Variants in SMIM7 observed in about 807,000 individuals in gnomAD.
The protein encoded by SMIM7 is UPF0608 protein C19orf42.
Under a neutral mutation model 13.3 loss-of-function variants are expected in SMIM7, and 12 were observed. The observed-to-expected ratio is 0.90, with a 90% confidence interval of 0.58 to 1.46. SMIM7 has a LOEUF of 1.46. Ranked by LOEUF, SMIM7 falls within the 40% of genes most tolerant of loss-of-function variation. The pLI, the probability that SMIM7 is intolerant of heterozygous loss-of-function variation, is 0.00. For missense variants in SMIM7, 114 were observed against 94.8 expected (o/e 1.20, Z -0.84); for synonymous variants, 36 against 35.8 (o/e 1.01, Z -0.02).
chr19:16,640,208 CT>C (rs2086395196), intron 4 of SMIM7: 1 of 152,218 alleles, frequency 6.6e-6, no homozygotes, highest in Non-Finnish European at 1.5e-5. Flanking sequence ...TTCCAAGTAG[CT>C]GGGATTACAG....
intron 4 of SMIM7, chr19:16,631,727 G>A (rs1274781133): frequency 2.6e-5 from 4 of 152,196 alleles, no homozygotes; most frequent in African/African-American, 9.7e-5. Context: ...GCAAGCCCCT[G>A]AGAGACAGGC....
At chr19:16,654,182 C>T (rs773016735) in intron 3 of SMIM7, 57 bp from the exon 4 acceptor site, 11 of 1,448,176 alleles carry the variant, frequency 7.6e-6, no homozygotes, top group Non-Finnish European at 1.1e-5. Context: ...CCTACTGCCA[C>T]CTCAGCAGTG....
intron 4 of SMIM7, among the ~76,000 whole-genome samples, chr19:16,637,146 T>C (rs2086366480): frequency 6.6e-6 from 1 of 152,170 alleles, no homozygotes; most frequent in Admixed American, 6.5e-5. Context: ...ACTGTGCTGC[T>C]GAACACAGGC....
intron 4 of SMIM7, chr19:16,634,952 T>A (rs2086348117): frequency 6.6e-6 from 1 of 152,114 alleles, no homozygotes; most frequent in Non-Finnish European, 1.5e-5. Flanking sequence ...CTTGAGTGGG[T>A]CTTCTCATAC....
At chr19:16,631,237 T>C (rs1328501067) in exon 5 of SMIM7, 1 of 151,926 alleles carries the variant, frequency 6.6e-6, no homozygotes. Context: ...AATACAAAAA[T>C]TAGCCGGGCA....
rs757480728 is a variant in SMIM7 at position 16,654,065 on chromosome 19, C to T, written c.182G>A (p.Trp61Ter). The change falls in exon 4 of 5, where the codon TGG (tryptophan) becomes TAG (stop). Residue 61 changes from tryptophan to a stop codon, truncating the protein, a stop_gained. Coordinates refer to ENST00000487416, the MANE Select transcript of SMIM7 (RefSeq NM_024104.4). LOFTEE classifies it high-confidence loss of function. ...LRYFRIFIAL[W>*]NIFMMFCMIV... ...CATGCAGAACATCATGAAGATGTTCCACAGGGCGATGAAGATTCGAAAGTA... is the reference window on the plus strand; with the variant it reads ...CATGCAGAACATCATGAAGATGTTCTACAGGGCGATGAAGATTCGAAAGTA... 6 of 1,613,858 alleles carry T rather than the reference C, an allele frequency of 3.7e-6. No homozygotes were observed. The highest frequency in any genetic ancestry group is 4.2e-6 in the Non-Finnish European group (5 of 1,179,956).
chr19:16,643,674 G>C (rs549451745), downstream of SMIM7, among the ~76,000 whole-genome samples: 1 of 152,292 alleles, frequency 6.6e-6, no homozygotes, highest in South Asian at 2.1e-4. Context: ...TGGGATTACA[G>C]GCATGAGCCA....
chr19:16,636,997 T>A (rs2122491975), intron 4 of SMIM7, among the ~76,000 whole-genome samples: 1 of 152,216 alleles, frequency 6.6e-6, no homozygotes, highest in East Asian at 1.9e-4. Context: ...AAAAAGTGGA[T>A]CATTCGGTCC....
chr19:16,650,193 G>C (rs1293020525), intron 4 of SMIM7, among the ~76,000 whole-genome samples: 1 of 152,162 alleles, frequency 6.6e-6, no homozygotes, highest in Non-Finnish European at 1.5e-5. Flanking sequence ...ACACACAGAA[G>C]AGTTGTGTTG....
chr19:16,646,790 C>T lies in SMIM7; in HGVS notation c.*456G>A, dbSNP rs2086454033. The T allele has an allele frequency of 4.9e-6, 1 of 203,324 alleles. No individual in the cohort carries two copies. The highest frequency in any genetic ancestry group is 1.0e-5 in the Non-Finnish European group (1 of 96,742). 12.6% of individuals were successfully genotyped at this position (203,324 alleles called of 1,614,324 possible). Reference sequence around the variant, plus strand: ...GGTTAATCGCAGCTGCACTGAGTGGCCAAGCAGACCCTGTTGGGATGTGAA... The same window carrying T: ...GGTTAATCGCAGCTGCACTGAGTGGTCAAGCAGACCCTGTTGGGATGTGAA... On this transcript the variant is annotated 3_prime_UTR_variant, in exon 5 of 5. Coordinates refer to ENST00000487416, the MANE Select transcript of SMIM7 (RefSeq NM_024104.4).
chr19:16,639,479 A>G (rs1007161940), intron 4 of SMIM7, among the ~76,000 whole-genome samples: 12 of 152,188 alleles, frequency 7.9e-5, no homozygotes, highest in Admixed American at 7.9e-4. Context: ...TTTTCCATAA[A>G]GGGTCAGAAA....
At chr19:16,643,680 AG>A, downstream of SMIM7, among the ~76,000 whole-genome samples, 1 of 152,152 alleles carries the variant, frequency 6.6e-6, no homozygotes, top group Non-Finnish European at 1.5e-5. Flanking sequence ...TACAGGCATG[AG>A]CCACCGTACC....
intron 3 of SMIM7, among the ~76,000 whole-genome samples, chr19:16,657,495 T>C (rs553695383): frequency 1.3e-5 from 2 of 152,320 alleles, no homozygotes; most frequent in South Asian, 2.1e-4. Flanking sequence ...GGTCTAGTGA[T>C]TGAGTGCACA....
At chr19:16,650,723 A>AG (rs1433000139) in intron 4 of SMIM7, among the ~76,000 whole-genome samples, 1 of 151,920 alleles carries the variant, frequency 6.6e-6, no homozygotes, top group Non-Finnish European at 1.5e-5. Flanking sequence ...AAAAAAAAAA[A>AG]AAAGAAGAAA....
At chr19:16,653,877 A>G (rs2086561797) in intron 4 of SMIM7, 158 bp downstream of exon 4, 1 of 650,772 alleles carries the variant, frequency 1.5e-6, no homozygotes, top group Non-Finnish European at 2.6e-6. Context: ...TTTAGGCGAC[A>G]GAGCAAGATT....
intron 4 of SMIM7, among the ~76,000 whole-genome samples, chr19:16,648,104 A>G (rs2086473247): frequency 6.6e-6 from 1 of 152,208 alleles, no homozygotes; most frequent in Non-Finnish European, 1.5e-5. Context: ...CACAAGTGAC[A>G]AAAAGACAAA....
intron 3 of SMIM7, among the ~76,000 whole-genome samples, chr19:16,658,050 T>C (rs577220310): frequency 4.6e-5 from 7 of 152,142 alleles, no homozygotes; most frequent in Admixed American, 1.3e-4. Context: ...GAAGAAAACC[T>C]CTGTTCCTCA....
intron 4 of SMIM7, chr19:16,652,848 C>A: frequency 6.5e-7 from 1 of 1,550,090 alleles, no homozygotes; most frequent in Non-Finnish European, 8.7e-7. Context: ...CAGATTCTCC[C>A]GTCGTGTCTT....
At chr19:16,655,359 C>T (rs753009120) in intron 3 of SMIM7, 14 of 456,034 alleles carry the variant, frequency 3.1e-5, no homozygotes, top group Non-Finnish European at 5.3e-5. Flanking sequence ...ATCACTCTCC[C>T]TCTCAAGCCC....
Sources: allele counts gnomAD v4.1 joint callset (sites outside exome capture counted in the v4.1 genomes callset), GRCh38; gene constraint gnomAD v4.1.1; transcripts MANE v1.5; gene names NCBI Gene and HGNC (gene_info 2026-07-23, HGNC 2026-07-21).